Variants in SLC2A13 observed in about 807,000 individuals in gnomAD.
SLC2A13 encodes solute carrier family 2 member 13.
A neutral mutation model predicts 64.4 loss-of-function variants in SLC2A13; 32 were observed. The ratio of observed to expected loss-of-function variants is 0.50; its 90% confidence interval spans 0.37 to 0.67. The LOEUF is 0.67. Ranked by LOEUF, SLC2A13 falls within the 30% of genes least tolerant of loss-of-function variation. The pLI, the probability that SLC2A13 is intolerant of heterozygous loss-of-function variation, is 0.00. For synonymous variants in SLC2A13, 338 were observed against 327.1 expected, an observed-to-expected ratio of 1.03 and a Z score of -0.36; for missense variants, 743 against 829.2, an observed-to-expected ratio of 0.90 and a Z score of 1.28.
intron 3 of SLC2A13, among the ~76,000 whole-genome samples, chr12:39,975,939 A>G (rs915632558): frequency 6.6e-6 from 1 of 152,256 alleles, no homozygotes; most frequent in African/African-American, 2.4e-5. Flanking sequence ...ACTAACAAAC[A>G]GCAGACTAGG....
intron 4 of SLC2A13, among the ~76,000 whole-genome samples, chr12:39,905,019 C>G (rs1174658060): frequency 6.6e-6 from 1 of 152,128 alleles, no homozygotes; most frequent in Non-Finnish European, 1.5e-5. Flanking sequence ...AGAGCTAAAA[C>G]TAGTTTACTG....
chr12:39,957,615 G>T (rs983186305), intron 3 of SLC2A13, among the ~76,000 whole-genome samples: 2 of 152,096 alleles, frequency 1.3e-5, no homozygotes. Flanking sequence ...CATTGTTTGA[G>T]AATAATTACA....
intron 7 of SLC2A13, among the ~76,000 whole-genome samples, chr12:39,809,174 T>C (rs1942067210): frequency 6.6e-6 from 1 of 152,198 alleles, no homozygotes; most frequent in South Asian, 2.1e-4. Context: ...AAAAGACTAT[T>C]CTTTCCCCAT....
At chr12:39,906,547 C>G (rs1350492009) in intron 4 of SLC2A13, among the ~76,000 whole-genome samples, 1 of 152,010 alleles carries the variant, frequency 6.6e-6, no homozygotes, top group Non-Finnish European at 1.5e-5. Flanking sequence ...ACAGTTTTAA[C>G]TTGAAAGAAA....
At chr12:39,797,738 A>ACACATATG (rs767623790) in intron 7 of SLC2A13, among the ~76,000 whole-genome samples, 43 of 52,548 alleles carry the variant, frequency 8.2e-4, no homozygotes, top group African/African-American at 2.5e-3. Context: ...ACACACACAC[A>ACACATATG]CACACACACA....
chr12:39,927,792 A>T (rs1592290192), intron 4 of SLC2A13, among the ~76,000 whole-genome samples: 1 of 152,304 alleles, frequency 6.6e-6, no homozygotes, highest in South Asian at 2.1e-4. Context: ...AAGCTTTACA[A>T]TGTTCAAAAT....
At chr12:39,952,891 C>T (rs1202014267) in intron 3 of SLC2A13, among the ~76,000 whole-genome samples, 1 of 152,130 alleles carries the variant, frequency 6.6e-6, no homozygotes, top group Non-Finnish European at 1.5e-5. Flanking sequence ...TCTGCAAATA[C>T]AGATACCTGC....
At chr12:39,885,113 TG>T (rs370727241) in intron 4 of SLC2A13, among the ~76,000 whole-genome samples, 99 of 152,192 alleles carry the variant, frequency 6.5e-4, no homozygotes, top group African/African-American at 2.4e-3. Context: ...GGGCTGATGA[TG>T]AAATGGAAAA....
intron 7 of SLC2A13, among the ~76,000 whole-genome samples, chr12:39,777,382 A>G (rs2135735506): frequency 6.6e-6 from 1 of 152,076 alleles, no homozygotes. Context: ...AAAATTATAG[A>G]AATCTACAGC....
At chr12:39,903,042 T>G (rs149763654) in intron 4 of SLC2A13, among the ~76,000 whole-genome samples, 43 of 152,254 alleles carry the variant, frequency 2.8e-4, no homozygotes, top group African/African-American at 9.9e-4. Context: ...ATGAGTAATA[T>G]GAGTATGACT....
chr12:39,764,475 A>T lies in SLC2A13; in HGVS notation c.1705T>A (p.Tyr569Asn). 1 of 1,596,672 alleles carries T rather than the reference A, an allele frequency of 6.3e-7. No individual in the cohort carries two copies. The highest frequency in any genetic ancestry group is 1.2e-5 in the South Asian group (1 of 86,776). The change falls in exon 9 of 10, where the codon TAT becomes AAT. Residue 569 changes from tyrosine to asparagine, a missense_variant. Physicochemically the swap from Tyr to Asn is moderately radical, Grantham distance 143. This residue lies in a region of SLC2A13 where 295 missense variants were observed against 381.7 expected (regional missense o/e 0.77). Coordinates refer to ENST00000280871, the MANE Select transcript of SLC2A13 (RefSeq NM_052885.4). The stretch of plus-strand genomic sequence containing the variant: ...ATTATCTTACCATAGTATGTAAGAT[A>T]CTCTGCTGTGTGTAAAAATGTTAGT... ...VSLTFLHTAEYLTYYGAFFLY... is the reference protein window; with the variant it reads ...VSLTFLHTAENLTYYGAFFLY...
intron 3 of SLC2A13, among the ~76,000 whole-genome samples, chr12:39,988,212 C>T (rs1159434515): frequency 6.6e-6 from 1 of 151,922 alleles, no homozygotes; most frequent in Non-Finnish European, 1.5e-5. Flanking sequence ...TGCTAAATTG[C>T]CACTTTAAAA....
In SLC2A13 at chr12:39,758,850, G is replaced by C. The variant is rs1158502495; in HGVS notation, c.*1176C>G. 6.6e-6 allele frequency: 1 copy of C among 151,306 alleles called. No homozygotes were observed. Among genetic ancestry groups the C allele is most frequent in the East Asian group, 1.9e-4 (1 of 5,288 alleles). 9.4% of individuals were successfully genotyped at this position (151,306 alleles called of 1,614,324 possible). On this transcript the variant is annotated 3_prime_UTR_variant, in exon 10 of 10. Transcript: ENST00000280871. ...AGAAAAGTGTGCAAAATAAAAACGA[G>C]TTTATGCTCTTAAAGTAAAAAAAGA...
At chr12:39,846,238 T>C (rs1943309723) in intron 6 of SLC2A13, among the ~76,000 whole-genome samples, 2 of 152,286 alleles carry the variant, frequency 1.3e-5, no homozygotes, top group East Asian at 1.9e-4. Flanking sequence ...AGGTATTTTA[T>C]AGGTATTATT....
At chr12:39,890,180 G>T (rs1459424817) in intron 4 of SLC2A13, among the ~76,000 whole-genome samples, 2 of 151,944 alleles carry the variant, frequency 1.3e-5, no homozygotes, top group Non-Finnish European at 2.9e-5. Flanking sequence ...ATGTAATGAA[G>T]AAATAAAAAG....
At chr12:40,025,812 T>C (rs956116955) in intron 3 of SLC2A13, among the ~76,000 whole-genome samples, 4 of 152,242 alleles carry the variant, frequency 2.6e-5, no homozygotes, top group African/African-American at 7.2e-5. Flanking sequence ...GATTCATCTT[T>C]TCTGTGCCAG....
chr12:39,806,788 C>T (rs745588972), intron 7 of SLC2A13, among the ~76,000 whole-genome samples: 5 of 151,996 alleles, frequency 3.3e-5, no homozygotes, highest in Admixed American at 2.0e-4. Context: ...TCAAGACAGT[C>T]GAAAATAAAT....
In SLC2A13 at chr12:39,944,518, G is replaced by A. The variant is rs368633569; in HGVS notation, c.1034+6739C>T. Among the ~76,000 whole-genome samples the A allele has an allele frequency of 7.9e-5, 12 of 152,162 alleles. No individual in the cohort carries two copies. In the East Asian group the frequency reaches 9.6e-4, roughly 12 times the overall value. On this transcript the variant is annotated intron_variant, in intron 4 of 9. Transcript: ENST00000280871. ...CTATTAGTAATTGTTTTATAAATTC[G>A]GAGCTCCAGTGTTAGGTGCACATGT...
rs522895 is a variant in SLC2A13, at chr12:40,015,531, T to G, written c.925+12770A>C. Among the ~76,000 whole-genome samples, 214 of 152,294 alleles carry G rather than the reference T, an allele frequency of 1.4e-3. 1 individual carries two copies. The highest frequency in any genetic ancestry group is 4.9e-3 in the African/African-American group (204 of 41,560). ...CAAATGTATGTCTGGGTTTCCTTTC[T>G]GGAAATGTACTACCACTTCCTCCAG... On this transcript the variant is annotated intron_variant, in intron 3 of 9. Transcript: ENST00000280871.
Sources: allele counts gnomAD v4.1 joint callset (sites outside exome capture counted in the v4.1 genomes callset), GRCh38; gene constraint gnomAD v4.1.1; regional missense constraint gnomAD v4.1.1; transcripts MANE v1.5; gene names NCBI Gene and HGNC (gene_info 2026-07-23, HGNC 2026-07-21).